The following SCHIP1 variants were observed in gnomAD, a reference collection of about 807,000 sequenced individuals.
SCHIP1 encodes the protein schwannomin-interacting protein 1.
In SCHIP1, 8 loss-of-function variants were observed where a neutral mutation model predicts 29.7. That is an observed-to-expected ratio of 0.27 (90% CI 0.16 to 0.49). The LOEUF (loss-of-function observed/expected upper bound fraction) is 0.49. Ranked by LOEUF, SCHIP1 falls within the 20% of genes least tolerant of loss-of-function variation. The pLI, the probability that SCHIP1 is intolerant of heterozygous loss-of-function variation, is 0.99. For synonymous variants in SCHIP1, 76 were observed against 94.9 expected (o/e 0.80, Z 1.16); for missense variants, 193 against 294.6 (o/e 0.66, Z 2.52).
the SCHIP1 span, among the ~76,000 whole-genome samples, chr3:159,441,988 A>C: frequency 6.6e-6 from 1 of 152,076 alleles, no homozygotes; most frequent in African/African-American, 2.4e-5. Context: ...GGAGGGAAAA[A>C]CTTATTGAGA....
chr3:159,455,238 C>T, the SCHIP1 span, among the ~76,000 whole-genome samples: 2 of 152,134 alleles, frequency 1.3e-5, no homozygotes. Context: ...CCTCTAAGGA[C>T]TCACAATATA....
the SCHIP1 span, among the ~76,000 whole-genome samples, chr3:159,823,050 G>A: frequency 6.6e-6 from 1 of 152,084 alleles, no homozygotes; most frequent in African/African-American, 2.4e-5. Flanking sequence ...GATGGACTTG[G>A]GGAGGAATAG....
chr3:159,713,206 AAGAGAGAG>A, the SCHIP1 span, among the ~76,000 whole-genome samples: 2 of 140,522 alleles, frequency 1.4e-5, no homozygotes, highest in African/African-American at 5.5e-5. Context: ...GAAAGAAAGA[AAGAGAGAG>A]AGAGAGAGAG....
At chr3:159,682,933 A>C in the SCHIP1 span, among the ~76,000 whole-genome samples, 1 of 152,164 alleles carries the variant, frequency 6.6e-6, no homozygotes, top group Non-Finnish European at 1.5e-5. Flanking sequence ...CAGCTATAAG[A>C]GTATTTCTCT....
the SCHIP1 span, among the ~76,000 whole-genome samples, chr3:159,814,694 G>T: frequency 2.6e-5 from 4 of 152,202 alleles, no homozygotes; most frequent in African/African-American, 9.6e-5. Context: ...CCAGGTATCA[G>T]CTCTCATCTT....
the SCHIP1 span, among the ~76,000 whole-genome samples, chr3:159,423,749 T>C: frequency 6.6e-6 from 1 of 152,148 alleles, no homozygotes; most frequent in Non-Finnish European, 1.5e-5. Context: ...ACGGGCAGAC[T>C]GCCTCCTCAA....
At chr3:159,704,525 A>G in the SCHIP1 span, among the ~76,000 whole-genome samples, 1 of 151,804 alleles carries the variant, frequency 6.6e-6, no homozygotes, top group Non-Finnish European at 1.5e-5. Context: ...ATTCCCAGGC[A>G]CATGCTCTTT....
chr3:159,884,771 GAAGT>G (rs1243492102), intron 2 of SCHIP1, among the ~76,000 whole-genome samples: 1 of 152,166 alleles, frequency 6.6e-6, no homozygotes, highest in Admixed American at 6.5e-5. Flanking sequence ...CCTGGAGAAA[GAAGT>G]AAGGATTCAG....
the SCHIP1 span, among the ~76,000 whole-genome samples, chr3:159,316,680 A>G: frequency 2.6e-5 from 4 of 152,202 alleles, no homozygotes; most frequent in African/African-American, 9.7e-5. Context: ...TACACCTAAC[A>G]TAATACAACC....
the SCHIP1 span, chr3:159,375,702 A>G: frequency 3.3e-6 from 2 of 599,354 alleles, no homozygotes; most frequent in Non-Finnish European, 4.2e-6. Flanking sequence ...ATGCCATTGC[A>G]CTCCAGCCTG....
At chr3:159,349,629 A>G in the SCHIP1 span, among the ~76,000 whole-genome samples, 1 of 152,232 alleles carries the variant, frequency 6.6e-6, no homozygotes, top group African/African-American at 2.4e-5. Flanking sequence ...GTGGTTACTA[A>G]TCTGCCCAAA....
At chr3:159,391,622 G>T in the SCHIP1 span, among the ~76,000 whole-genome samples, 342 of 152,238 alleles carry the variant, frequency 2.2e-3, 1 homozygote, top group African/African-American at 7.7e-3. Flanking sequence ...CCTAATAGCT[G>T]CACAAGAATT....
chr3:159,511,126 C>A, the SCHIP1 span, among the ~76,000 whole-genome samples: 3 of 152,238 alleles, frequency 2.0e-5, no homozygotes, highest in Admixed American at 1.3e-4. Flanking sequence ...CCAGTTTGAG[C>A]TTCCCTGCTG....
At chr3:159,896,679 A>T in intron 6 of SCHIP1, 44 bp from the exon 8 acceptor site, 1 of 1,524,164 alleles carries the variant, frequency 6.6e-7, no homozygotes, top group Non-Finnish European at 8.8e-7. Context: ...AGCAGTTTGG[A>T]TCTCTCTACA....
the SCHIP1 span, among the ~76,000 whole-genome samples, chr3:159,479,457 G>A: frequency 6.6e-6 from 1 of 152,160 alleles, no homozygotes; most frequent in Non-Finnish European, 1.5e-5. Context: ...TAGCCTTTAT[G>A]TCATGAGTTT....
chr3:159,593,952 A>G, the SCHIP1 span, among the ~76,000 whole-genome samples: 1 of 152,300 alleles, frequency 6.6e-6, no homozygotes, highest in African/African-American at 2.4e-5. Context: ...CTCTGTGATC[A>G]CCTCTGCTAC....
the SCHIP1 span, chr3:159,401,165 A>G: frequency 9.0e-5 from 88 of 978,656 alleles, no homozygotes; most frequent in African/African-American, 1.4e-3. Context: ...TCATTCTCCT[A>G]TCTCCATACC....
the SCHIP1 span, among the ~76,000 whole-genome samples, chr3:159,537,386 C>T: frequency 1.3e-5 from 2 of 152,280 alleles, no homozygotes; most frequent in East Asian, 1.9e-4. Context: ...GAGGATTACT[C>T]GCCCTCTCGA....
chr3:159,447,314 TA>T, the SCHIP1 span, among the ~76,000 whole-genome samples: 2 of 152,178 alleles, frequency 1.3e-5, no homozygotes, highest in Non-Finnish European at 2.9e-5. Flanking sequence ...GGAGTCAGAC[TA>T]AATAATTTGG....
Sources: allele counts gnomAD v4.1 joint callset (sites outside exome capture counted in the v4.1 genomes callset), GRCh38; gene constraint gnomAD v4.1.1; transcripts MANE v1.5; gene names NCBI Gene and HGNC (gene_info 2026-07-23, HGNC 2026-07-21).